Variants in ZMYM2 observed in about 807,000 individuals in gnomAD.
ZMYM2 encodes the protein zinc finger MYM-type protein 2.
ZMYM2 carries 56 observed loss-of-function variants against 162.8 expected under a neutral mutation model. The ratio of observed to expected loss-of-function variants is 0.34; its 90% CI spans 0.28 to 0.43. ZMYM2 has a LOEUF of 0.43. ZMYM2 is among the 20% of genes least tolerant of loss of function. The pLI is 1.00. For synonymous variants in ZMYM2, 510 were observed against 541.6 expected (o/e 0.94, Z 0.81); for missense variants, 1,275 against 1,621.8 (o/e 0.79, Z 3.67).
At chr13:19,994,003 C>A in intron 3 of ZMYM2, 84 bp downstream of exon 3, 1 of 1,431,684 alleles carries the variant, frequency 7.0e-7, no homozygotes, top group Non-Finnish European at 9.4e-7. Context: ...ACTGGTATTA[C>A]CTTGTTTAGT....
rs1295673023 is a variant in ZMYM2 at position 20,087,322 on chromosome 13, C to G, written c.*1308C>G. On this transcript the variant is annotated 3_prime_UTR_variant, in exon 25 of 25. Coordinates refer to ENST00000610343, the MANE Select transcript of ZMYM2 (RefSeq NM_197968.4). ...TGCATAGCAATTTATCCATTCAGAC[C>G]TTTTCTTTTAGAATAAGGAAACTTA... The G allele has an allele frequency of 2.1e-5, 4 of 187,852 alleles. No individual in the cohort carries two copies. The highest frequency in any genetic ancestry group is 9.4e-5 in the African/African-American group (4 of 42,700). The allele number at this position is 187,852 out of a possible 1,614,324, so 11.6% of individuals were successfully genotyped here.
chr13:19,916,005 G>T, the ZMYM2 span, among the ~76,000 whole-genome samples: 1 of 151,802 alleles, frequency 6.6e-6, no homozygotes, highest in Non-Finnish European at 1.5e-5. Context: ...GACTACAGGG[G>T]CCCGCCACCA....
At position 20,067,003 on chromosome 13, in the gene ZMYM2, A is replaced by T; in HGVS notation, c.3285A>T (p.Leu1095Phe). The T allele has an allele frequency of 6.2e-7, 1 of 1,607,792 alleles. No individual in the cohort carries two copies. The highest frequency in any genetic ancestry group is 8.5e-7 in the Non-Finnish European group (1 of 1,177,762). The change falls in exon 20 of 25, where the codon TTA (leucine) becomes TTT (phenylalanine). Residue 1095 changes from leucine (L) to phenylalanine (F), a missense_variant. Physicochemically the swap from Leu to Phe is conservative, Grantham distance 22 (BLOSUM62 0). Around this residue, in one of 10 missense-constraint regions of ZMYM2, gnomAD observed 229 missense variants for 283.8 expected, o/e 0.81. Coordinates refer to ENST00000610343, the MANE Select transcript of ZMYM2 (RefSeq NM_197968.4). ...TRQLDEDLLV[L>F]DELKSSKSVK... ...AACTTGATGAAGATCTTCTGGTATT[A>T]GATGAGTTAAAATCTTGTAAGTGTT...
At chr13:19,883,753 T>C in the ZMYM2 span, among the ~76,000 whole-genome samples, 2 of 151,774 alleles carry the variant, frequency 1.3e-5, no homozygotes, top group South Asian at 4.1e-4. Flanking sequence ...TCTCATGGTA[T>C]ATATATATAT....
chr13:20,048,976 GC>G (rs533521837), intron 12 of ZMYM2, among the ~76,000 whole-genome samples: 33 of 152,024 alleles, frequency 2.2e-4, no homozygotes, highest in Admixed American at 1.5e-3. Flanking sequence ...AGGGAATGCG[GC>G]TTAGAGTGGA....
chr13:19,883,674 A>T, the ZMYM2 span, among the ~76,000 whole-genome samples: 13 of 152,330 alleles, frequency 8.5e-5, 1 homozygote, highest in South Asian at 2.7e-3. Context: ...TATGTGCTGA[A>T]GCAGTATATT....
At chr13:19,867,338 G>A in the ZMYM2 span, among the ~76,000 whole-genome samples, 1 of 134,652 alleles carries the variant, frequency 7.4e-6, no homozygotes, top group Non-Finnish European at 1.5e-5. Context: ...CGACAAGAGC[G>A]AAACTCCATC....
the ZMYM2 span, among the ~76,000 whole-genome samples, chr13:19,884,384 G>A: frequency 1.3e-5 from 2 of 151,120 alleles, no homozygotes; most frequent in Non-Finnish European, 3.0e-5. Flanking sequence ...GACGGCCCGG[G>A]CTAACACAGT....
intron 21 of ZMYM2, among the ~76,000 whole-genome samples, chr13:20,076,092 A>G (rs910227903): frequency 1.3e-5 from 2 of 150,402 alleles, no homozygotes; most frequent in African/African-American, 5.0e-5. Context: ...TTTGTCAGCT[A>G]GGAACACTAG....
the ZMYM2 span, among the ~76,000 whole-genome samples, chr13:19,949,067 G>C: frequency 4.0e-5 from 6 of 150,614 alleles, no homozygotes; most frequent in African/African-American, 1.5e-4. Flanking sequence ...CTGAGTTCAA[G>C]ACCAGCCTGG....
chr13:20,034,843 A>G (rs1953532151), intron 11 of ZMYM2, among the ~76,000 whole-genome samples: 1 of 152,194 alleles, frequency 6.6e-6, no homozygotes, highest in African/African-American at 2.4e-5. Context: ...TAGGTATTCA[A>G]TTTGGGGTGC....
the ZMYM2 span, among the ~76,000 whole-genome samples, chr13:19,894,254 T>C: frequency 5.9e-5 from 9 of 152,062 alleles, no homozygotes; most frequent in Admixed American, 4.6e-4. Context: ...TTACCTAGCC[T>C]ACTTTAAATA....
the ZMYM2 span, among the ~76,000 whole-genome samples, chr13:19,884,273 C>T: frequency 0.12 from 17,492 of 152,092 alleles, 1,289 homozygotes; most frequent in African/African-American, 0.21. Context: ...GGTAGGTTCT[C>T]GGTCTCGCTG....
chr13:19,986,948 CAA>C (rs1186111343), intron 2 of ZMYM2, among the ~76,000 whole-genome samples: 1 of 150,926 alleles, frequency 6.6e-6, no homozygotes. Context: ...ACTAAAAATA[CAA>C]AAAAATTAGC....
chr13:20,063,184 C>T (rs1440525554), intron 18 of ZMYM2, among the ~76,000 whole-genome samples: 8 of 151,882 alleles, frequency 5.3e-5, no homozygotes, highest in Non-Finnish European at 1.2e-4. Context: ...AATGAGATCA[C>T]TTGAGTCCAG....
intron 12 of ZMYM2, among the ~76,000 whole-genome samples, chr13:20,049,172 C>CACTT (rs1200352509): frequency 8.7e-5 from 2 of 23,036 alleles, no homozygotes; most frequent in Non-Finnish European, 2.3e-4. Context: ...ATTGAGTTCT[C>CACTT]ACTTACTGTT....
intron 6 of ZMYM2, among the ~76,000 whole-genome samples, chr13:20,015,970 GC>G (rs1566302460): frequency 6.6e-6 from 1 of 151,956 alleles, no homozygotes; most frequent in Non-Finnish European, 1.5e-5. Context: ...AAAAAATGAT[GC>G]CTTTTGATTG....
At chr13:20,030,692 C>A (rs1384463755) in intron 9 of ZMYM2, among the ~76,000 whole-genome samples, 1 of 152,208 alleles carries the variant, frequency 6.6e-6, no homozygotes, top group Non-Finnish European at 1.5e-5. Context: ...GCCACCACGC[C>A]TGGCCTAATT....
the ZMYM2 span, among the ~76,000 whole-genome samples, chr13:19,941,321 AC>A: frequency 2.7e-5 from 4 of 146,172 alleles, no homozygotes; most frequent in African/African-American, 9.8e-5. Flanking sequence ...AAACAAAAAA[AC>A]AAAAAAAAAA....
Sources: allele counts gnomAD v4.1 joint callset (sites outside exome capture counted in the v4.1 genomes callset), GRCh38; gene constraint gnomAD v4.1.1; regional missense constraint gnomAD v4.1.1; transcripts MANE v1.5; gene names NCBI Gene and HGNC (gene_info 2026-07-23, HGNC 2026-07-21).